Variants in FCHSD2 observed in about 807,000 individuals in gnomAD.
FCHSD2 encodes the protein F-BAR and double SH3 domains protein 2.
Under a neutral mutation model 108.1 loss-of-function variants are expected in FCHSD2, and 38 were observed. The observed-to-expected ratio is 0.35, with a 90% CI of 0.27 to 0.46. FCHSD2 has a LOEUF of 0.46. FCHSD2 is among the 20% of genes least tolerant of loss of function. The probability of loss-of-function intolerance (pLI) is 1.00; values close to 1 mark genes in which losing one functional copy is unlikely to be tolerated. For synonymous variants in FCHSD2, 279 were observed against 314.7 expected (o/e 0.89, Z 1.20); for missense variants, 751 against 897.8 (o/e 0.84, Z 2.09).
intron 2 of FCHSD2, among the ~76,000 whole-genome samples, chr11:73,135,400 T>G (rs1006675700): frequency 6.6e-6 from 1 of 152,194 alleles, no homozygotes; most frequent in African/African-American, 2.4e-5. Context: ...TCAATAATTT[T>G]TCCATATTAT....
chr11:73,033,110 A>T (rs1394387457), intron 3 of FCHSD2, among the ~76,000 whole-genome samples: 1 of 151,960 alleles, frequency 6.6e-6, no homozygotes, highest in African/African-American at 2.4e-5. Flanking sequence ...AACATGGTGA[A>T]ACCCCGTCTC....
intron 13 of FCHSD2, among the ~76,000 whole-genome samples, chr11:72,861,711 A>G (rs1041412727): frequency 5.1e-4 from 77 of 152,088 alleles, no homozygotes; most frequent in African/African-American, 1.5e-3. Context: ...GGGTGGAGCA[A>G]CTGAGGTCGG....
intron 8 of FCHSD2, among the ~76,000 whole-genome samples, chr11:72,941,809 C>A (rs536873250): frequency 6.6e-6 from 1 of 152,206 alleles, no homozygotes; most frequent in South Asian, 2.1e-4. Flanking sequence ...ATTAACCAAT[C>A]TTTGTTTTTG....
intron 3 of FCHSD2, among the ~76,000 whole-genome samples, chr11:73,033,287 CAAAAA>C (rs34802040): frequency 8.8e-6 from 1 of 114,162 alleles, no homozygotes; most frequent in African/African-American, 3.6e-5. Flanking sequence ...GATTCCGACT[CAAAAA>C]AAAAAAAAAA....
chr11:72,962,945 A>ACTGGTTGAGT (rs1222742240), intron 8 of FCHSD2, among the ~76,000 whole-genome samples: 18 of 152,164 alleles, frequency 1.2e-4, no homozygotes, highest in Admixed American at 3.3e-4. Context: ...CTGGAGCCAG[A>ACTGGTTGAGT]CTGGTTGAGT....
chr11:72,925,587 T>G (rs190180922), intron 8 of FCHSD2, among the ~76,000 whole-genome samples: 2 of 152,180 alleles, frequency 1.3e-5, no homozygotes, highest in African/African-American at 4.8e-5. Flanking sequence ...AAGAAGGAAT[T>G]TGTTGCCACG....
intron 18 of FCHSD2, 81 bp downstream of exon 18, chr11:72,841,373 A>AT: frequency 2.6e-6 from 2 of 760,580 alleles, no homozygotes; most frequent in Non-Finnish European, 4.0e-6. Flanking sequence ...AAGCAAATGC[A>AT]GTTTTTTTTT....
intron 13 of FCHSD2, among the ~76,000 whole-genome samples, chr11:72,864,913 G>A (rs1487317264): frequency 6.6e-6 from 1 of 152,166 alleles, no homozygotes. Context: ...CTGAGTAACT[G>A]TGTCAGTGGA....
chr11:72,842,261 A>C (rs1860980716), intron 17 of FCHSD2, among the ~76,000 whole-genome samples: 1 of 152,216 alleles, frequency 6.6e-6, no homozygotes, highest in South Asian at 2.1e-4. Context: ...GGAGAGAGAG[A>C]GCCAGCTAAG....
intron 8 of FCHSD2, among the ~76,000 whole-genome samples, chr11:72,959,923 C>A (rs1856793116): frequency 6.6e-6 from 1 of 151,168 alleles, no homozygotes; most frequent in Non-Finnish European, 1.5e-5. Context: ...TTTCAATGCA[C>A]TGACCTCAGT....
chr11:73,050,817 A>G (rs1404463256), intron 3 of FCHSD2, among the ~76,000 whole-genome samples: 1 of 152,228 alleles, frequency 6.6e-6, no homozygotes, highest in African/African-American at 2.4e-5. Context: ...CCAAAGGCCG[A>G]GAATATCTAC....
At chr11:72,969,273 C>T (rs1160410851) in intron 8 of FCHSD2, among the ~76,000 whole-genome samples, 2 of 152,198 alleles carry the variant, frequency 1.3e-5, no homozygotes, top group Admixed American at 1.3e-4. Flanking sequence ...CAGACTTTCT[C>T]CCTCTTGGAT....
At chr11:72,891,013 C>A (rs1469686450) in intron 10 of FCHSD2, among the ~76,000 whole-genome samples, 11 of 152,134 alleles carry the variant, frequency 7.2e-5, no homozygotes, top group Admixed American at 7.2e-4. Flanking sequence ...AACCTCCGGG[C>A]TCAAGTGACT....
At chr11:73,040,269 C>T (rs1010091807) in intron 3 of FCHSD2, among the ~76,000 whole-genome samples, 26 of 152,104 alleles carry the variant, frequency 1.7e-4, no homozygotes, top group Admixed American at 1.4e-3. Flanking sequence ...CAGGAGAAGC[C>T]CTCCTACTAG....
At chr11:73,053,501 C>T (rs1260242430) in intron 3 of FCHSD2, among the ~76,000 whole-genome samples, 1 of 152,112 alleles carries the variant, frequency 6.6e-6, no homozygotes, top group East Asian at 1.9e-4. Context: ...CAGTTCACAG[C>T]AACATATTTT....
intron 8 of FCHSD2, among the ~76,000 whole-genome samples, chr11:72,958,622 T>G (rs531112625): frequency 6.6e-6 from 1 of 152,356 alleles, no homozygotes; most frequent in South Asian, 2.1e-4. Flanking sequence ...TATTTTCCTA[T>G]ACTGATCCAT....
At chr11:73,041,514 C>T (rs1431918282) in intron 3 of FCHSD2, among the ~76,000 whole-genome samples, 1 of 152,104 alleles carries the variant, frequency 6.6e-6, no homozygotes, top group Non-Finnish European at 1.5e-5. Flanking sequence ...TACCTACTGG[C>T]CATGTATATG....
chr11:72,944,854 G>A (rs891556474), intron 8 of FCHSD2, among the ~76,000 whole-genome samples: 5 of 152,056 alleles, frequency 3.3e-5, no homozygotes, highest in African/African-American at 7.2e-5. Flanking sequence ...GGATGTGAAG[G>A]ACCTCTTCAA....
chr11:73,092,927 G>A (rs897091228), intron 2 of FCHSD2, among the ~76,000 whole-genome samples: 8 of 152,062 alleles, frequency 5.3e-5, no homozygotes, highest in African/African-American at 1.9e-4. Context: ...TGTCTACCTG[G>A]GGACCTTGTG....
Sources: allele counts gnomAD v4.1 joint callset (sites outside exome capture counted in the v4.1 genomes callset), GRCh38; gene constraint gnomAD v4.1.1; transcripts MANE v1.5; gene names NCBI Gene and HGNC (gene_info 2026-07-23, HGNC 2026-07-21).